NOL9: variants seen among roughly 807,000 people sequenced by gnomAD.
NOL9 encodes polynucleotide 5'-hydroxyl-kinase NOL9.
A neutral mutation model predicts 67.9 loss-of-function variants in NOL9; 28 were observed. The ratio of observed to expected loss-of-function variants is 0.41; its 90% CI spans 0.31 to 0.57. The LOEUF is 0.57. NOL9 is among the 20% of genes least tolerant of loss of function. The pLI is 0.25. For synonymous variants in NOL9, 356 were observed against 352.2 expected (o/e 1.01, Z -0.12); for missense variants, 777 against 897.0 (o/e 0.87, Z 1.71).
chr1:6,525,749 A>C lies in NOL9; in HGVS notation c.*105T>G. 8.6e-7 allele frequency: 1 copy of C among 1,161,798 alleles called. No homozygotes were observed. Among genetic ancestry groups the C allele is most frequent in the Non-Finnish European group, 1.3e-6 (1 of 793,976 alleles). The allele number at this position is 1,161,798 out of a possible 1,614,324, so 72.0% of individuals were successfully genotyped here. On this transcript the variant is annotated 3_prime_UTR_variant, in exon 12 of 12. Coordinates refer to ENST00000377705, the MANE Select transcript of NOL9 (RefSeq NM_024654.5). ...TTACACAAAAAACACTGTTGCTAATAAGGGCACCATTCATGGCCATGAAAC... is the reference window on the plus strand; with the variant it reads ...TTACACAAAAAACACTGTTGCTAATCAGGGCACCATTCATGGCCATGAAAC...
intron 5 of NOL9, 46 bp from the exon 6 acceptor site, chr1:6,541,973 T>C: frequency 8.0e-7 from 1 of 1,252,602 alleles, no homozygotes; most frequent in Non-Finnish European, 1.1e-6. Flanking sequence ...CCTAACTAGC[T>C]TTACTCAGTA....
chr1:6,554,042 T>A (rs1012319101), intron 1 of NOL9, 65 bp downstream of exon 1: 1 of 1,358,012 alleles, frequency 7.4e-7, no homozygotes, highest in African/African-American at 1.5e-5. Context: ...ACCCTGCAGC[T>A]CTCCCGGGGC....
At chr1:6,538,289 T>C (rs147933043) in intron 6 of NOL9, among the ~76,000 whole-genome samples, 1 of 152,166 alleles carries the variant, frequency 6.6e-6, no homozygotes, top group African/African-American at 2.4e-5. Context: ...CATTTGCAGA[T>C]TGTACATCTC....
rs1282278267 is a variant in NOL9, at chr1:6,521,693, G to C, written c.*4161C>G. The C allele has an allele frequency of 6.6e-6, 1 of 152,186 alleles. No individual in the cohort carries two copies. The highest frequency in any genetic ancestry group is 2.4e-5 in the African/African-American group (1 of 41,424). The allele number at this position is 152,186 out of a possible 1,614,324, so 9.4% of individuals were successfully genotyped here. ...AACCTGCCAGAGGCAAGATGAGTAA[G>C]TAGCTGTGGATTCATTTAGTTTCTG... On this transcript the variant is annotated 3_prime_UTR_variant, in exon 12 of 12. Coordinates refer to ENST00000377705, the MANE Select transcript of NOL9 (RefSeq NM_024654.5).
At position 6,537,953 on chromosome 1, in the gene NOL9, C is replaced by T. The variant is rs543421668; in HGVS notation, c.1075+3877G>A. ...CCTGGCTAACACGGTGAAACCCCGT[C>T]TGCACTCCAGCCTGGGCGACAAAGC... is the stretch of plus-strand genomic sequence containing the variant. On this transcript the variant is annotated intron_variant, in intron 6 of 11. Transcript: ENST00000377705. Among the ~76,000 whole-genome samples, 6 of 136,098 alleles carry T rather than the reference C, an allele frequency of 4.4e-5. No individual in the cohort carries two copies. The South Asian group carries it at 1.4e-3, about 31-fold the overall frequency. 89.3% of individuals were successfully genotyped at this position (136,098 alleles called of 152,430 possible). A position where few individuals can be genotyped will look rare whatever the true frequency, so the allele number is the denominator to read the frequency against.
chr1:6,531,833 A>C, intron 9 of NOL9, 135 bp downstream of exon 9: 1 of 712,878 alleles, frequency 1.4e-6, no homozygotes, highest in Non-Finnish European at 2.5e-6. Context: ...ATAACGACAC[A>C]AGCTGTGTCA....
In NOL9 at chr1:6,523,313, C is replaced by T. The variant is rs1417515334; in HGVS notation, c.*2541G>A. 5 of 152,002 alleles carry T rather than the reference C, an allele frequency of 3.3e-5. No individual in the cohort carries two copies. The highest frequency in any genetic ancestry group is 5.9e-5 in the Non-Finnish European group (4 of 68,106). 9.4% of individuals were successfully genotyped at this position (152,002 alleles called of 1,614,324 possible). On this transcript the variant is annotated 3_prime_UTR_variant, in exon 12 of 12. Transcript: ENST00000377705. ...CACTGCCACCAGCCGGGTGCGGTGG[C>T]TCATGCCTGTAATCCCAACACTTTG...
chr1:6,548,531 C>G, intron 3 of NOL9: 1 of 307,194 alleles, frequency 3.3e-6, no homozygotes, highest in South Asian at 3.4e-5. Flanking sequence ...TAAACGTGTT[C>G]AGGACAGGAT....
chr1:6,521,658 T>C lies in NOL9; in HGVS notation c.*4196A>G, dbSNP rs1319576161. 2 of 152,210 alleles carry C rather than the reference T, an allele frequency of 1.3e-5. No homozygotes were observed. The highest frequency in any genetic ancestry group is 4.8e-5 in the African/African-American group (2 of 41,458). 9.4% of individuals were successfully genotyped at this position (152,210 alleles called of 1,614,324 possible). On this transcript the variant is annotated 3_prime_UTR_variant, in exon 12 of 12. Transcript: ENST00000377705. ...ACCACAGGAAGCTTGGTAGCAACAA[T>C]TTTAAGGTGAACCTGCCAGAGGCAA...
chr1:6,526,099 G>T, intron 11 of NOL9, 96 bp from the exon 12 acceptor site: 1 of 1,112,692 alleles, frequency 9.0e-7, no homozygotes, highest in Non-Finnish European at 1.4e-6. Context: ...GTGTCATGGT[G>T]ATGGTCTGGG....
chr1:6,535,930 A>AAC (rs1328383966), intron 6 of NOL9, among the ~76,000 whole-genome samples: 3 of 150,050 alleles, frequency 2.0e-5, no homozygotes, highest in Admixed American at 6.6e-5. Flanking sequence ...CTCCATCTCA[A>AAC]AAAAAAAAAA....
chr1:6,527,618 CA>C (rs1294147983), intron 10 of NOL9, among the ~76,000 whole-genome samples: 2 of 103,252 alleles, frequency 1.9e-5, no homozygotes, highest in East Asian at 5.8e-4. Flanking sequence ...GACTTTGTCT[CA>C]AAAACAAAAC....
intron 6 of NOL9, among the ~76,000 whole-genome samples, chr1:6,541,427 C>T (rs374239779): frequency 6.6e-6 from 1 of 152,260 alleles, no homozygotes; most frequent in East Asian, 1.9e-4. Context: ...GGTGATGCAC[C>T]AGCCTCAGCC....
chr1:6,551,592 C>T (rs1639543942), intron 1 of NOL9, among the ~76,000 whole-genome samples: 2 of 151,264 alleles, frequency 1.3e-5, no homozygotes, highest in Non-Finnish European at 2.9e-5. Context: ...GTGATACTGT[C>T]CCAAAAATAA....
chr1:6,552,702 T>G (rs2148663314), intron 1 of NOL9, among the ~76,000 whole-genome samples: 1 of 151,778 alleles, frequency 6.6e-6, no homozygotes, highest in Middle Eastern at 3.5e-3. Flanking sequence ...ACTCGCTACC[T>G]CAGGTGATCC....
In NOL9 at chr1:6,550,381, A is replaced by T; in HGVS notation, c.616+15T>A. Reference sequence around the variant, plus strand: ...ACAGTAGGCCCTCAGTAAATTACCCAGTTCTTTTCATTACCAAGGTTAAGA... The same window carrying T: ...ACAGTAGGCCCTCAGTAAATTACCCTGTTCTTTTCATTACCAAGGTTAAGA... On this transcript the variant is annotated intron_variant, in intron 2 of 11. Coordinates refer to ENST00000377705, the MANE Select transcript of NOL9 (RefSeq NM_024654.5). 1 of 1,605,802 alleles carries T rather than the reference A, an allele frequency of 6.2e-7. No individual in the cohort carries two copies. Among genetic ancestry groups the T allele is most frequent in the South Asian group, 1.1e-5 (1 of 90,936 alleles).
rs866883200 is a variant in NOL9, at chr1:6,533,153, C to T, written c.1237+127G>A. ...TCACGCCATTGCACTCCAGCCTGGG[C>T]GACAGAGTGAGACCCTGCCTCAATT... On this transcript the variant is annotated intron_variant, in intron 7 of 11. Coordinates refer to ENST00000377705, the MANE Select transcript of NOL9 (RefSeq NM_024654.5). 3.8e-5 allele frequency: 36 copies of T among 957,734 alleles called. No individual in the cohort carries two copies. The Middle Eastern group carries it at 1.7e-3, about 45-fold the overall frequency. The allele number at this position is 957,734 out of a possible 1,614,324, so 59.3% of individuals were successfully genotyped here. A position where few individuals can be genotyped will look rare whatever the true frequency, so the allele number is the denominator to read the frequency against.
At chr1:6,551,706 CGT>C (rs1336709625) in intron 1 of NOL9, among the ~76,000 whole-genome samples, 2 of 152,046 alleles carry the variant, frequency 1.3e-5, no homozygotes, top group Admixed American at 6.6e-5. Context: ...AGCTGGAAGC[CGT>C]TATCTTCAGC....
At chr1:6,535,088 G>T (rs1639119355) in intron 6 of NOL9, among the ~76,000 whole-genome samples, 1 of 152,326 alleles carries the variant, frequency 6.6e-6, no homozygotes, top group East Asian at 1.9e-4. Context: ...AGGATTACAG[G>T]CATGAAGCAC....
Sources: allele counts gnomAD v4.1 joint callset (sites outside exome capture counted in the v4.1 genomes callset), GRCh38; gene constraint gnomAD v4.1.1; transcripts MANE v1.5; gene names NCBI Gene and HGNC (gene_info 2026-07-23, HGNC 2026-07-21).